The following IQCE variants were observed in gnomAD, a reference collection of about 807,000 sequenced individuals.
The protein encoded by IQCE is IQ domain-containing protein E.
Under a neutral mutation model 96.0 loss-of-function variants are expected in IQCE, and 115 were observed. The observed-to-expected ratio is 1.20, with a 90% CI of 1.03 to 1.40. The LOEUF (loss-of-function observed/expected upper bound fraction) is 1.40, where lower values mean the gene tolerates loss of function less well. Among genes scored for constraint, IQCE ranks in the 40% most tolerant of loss-of-function variants. IQCE has a pLI of 0.00. For synonymous variants in IQCE, 412 were observed against 371.2 expected (o/e 1.11, Z -1.26); for missense variants, 1,041 against 909.1 (o/e 1.15, Z -1.87).
At chr7:2,581,503 G>T (rs929772953) in intron 8 of IQCE, among the ~76,000 whole-genome samples, 1 of 152,208 alleles carries the variant, frequency 6.6e-6, no homozygotes, top group South Asian at 2.1e-4. Flanking sequence ...ACTGCACCCG[G>T]CCAACTAACA....
intron 18 of IQCE, among the ~76,000 whole-genome samples, chr7:2,602,911 G>A (rs970458802): frequency 7.9e-5 from 12 of 152,316 alleles, no homozygotes; most frequent in Middle Eastern, 6.8e-3. Flanking sequence ...ACAGCCACAC[G>A]AGCGCCCTCC....
intron 16 of IQCE, 64 bp downstream of exon 16, chr7:2,595,040 G>T: frequency 8.6e-7 from 1 of 1,159,902 alleles, no homozygotes; most frequent in Non-Finnish European, 1.3e-6. Flanking sequence ...TGACGGTTCT[G>T]ACCGTTTCCC....
chr7:2,565,124 ATG>A (rs1382788792), intron 1 of IQCE, among the ~76,000 whole-genome samples: 5 of 118,166 alleles, frequency 4.2e-5, no homozygotes, highest in African/African-American at 1.7e-4. Flanking sequence ...GCATGTGTGC[ATG>A]TGTGTGAGTG....
intron 16 of IQCE, among the ~76,000 whole-genome samples, chr7:2,596,118 C>G (rs1784017370): frequency 6.6e-6 from 1 of 152,136 alleles, no homozygotes; most frequent in African/African-American, 2.4e-5. Context: ...TGGATAAAAC[C>G]AGTAGAAGCC....
chr7:2,569,091 G>C, intron 3 of IQCE, 92 bp downstream of exon 3: 1 of 1,266,798 alleles, frequency 7.9e-7, no homozygotes, highest in Non-Finnish European at 1.1e-6. Context: ...CATTTAGGTA[G>C]CTGAGACCTG....
intron 11 of IQCE, 88 bp downstream of exon 11, chr7:2,584,373 C>A: frequency 1.6e-6 from 2 of 1,218,302 alleles, no homozygotes; most frequent in Non-Finnish European, 2.4e-6. Flanking sequence ...CACGTGGGTG[C>A]GGCATATACT....
chr7:2,594,854 G>A lies in IQCE; in HGVS notation c.1350-32G>A. 4 of 1,476,792 alleles carry A rather than the reference G, an allele frequency of 2.7e-6. No individual in the cohort carries two copies. The East Asian group carries it at 9.0e-5, about 33-fold the overall frequency. The allele number at this position is 1,476,792 out of a possible 1,614,324, so 91.5% of individuals were successfully genotyped here. A position where few individuals can be genotyped will look rare whatever the true frequency, so the allele number is the denominator to read the frequency against. On this transcript the variant is annotated intron_variant, in intron 15 of 21. Coordinates refer to ENST00000402050, the MANE Select transcript of IQCE (RefSeq NM_152558.5). The stretch of plus-strand genomic sequence containing the variant: ...CGGCCTTCATCACATAGTGACAGGT[G>A]AGGTGTCTCATCTTTTCCCTTTCCG...
Position 2,611,145 on chromosome 7 carries a change from G to GGGCTGGGCTGGGCTGGGCTGGGCTA in IQCE, c.*986_*987insTGGGCTGGGCTGGGCTGGGCTAGGC. The GGGCTGGGCTGGGCTGGGCTGGGCTA allele has an allele frequency of 8.4e-6, 1 of 119,362 alleles. No individual in the cohort carries two copies. Among genetic ancestry groups the GGGCTGGGCTGGGCTGGGCTGGGCTA allele is most frequent in the African/African-American group, 2.9e-5 (1 of 34,990 alleles). The allele number at this position is 119,362 out of a possible 1,614,324, so 7.4% of individuals were successfully genotyped here. ...GGGCTGGGCTGGGCTGGGCTGGGCC[G>GGGCTGGGCTGGGCTGGGCTGGGCTA]GGCGTGCGGAGCCTGTGGAGCCAGC... On this transcript the variant is annotated 3_prime_UTR_variant, in exon 22 of 22. Coordinates refer to ENST00000402050, the MANE Select transcript of IQCE (RefSeq NM_152558.5).
chr7:2,608,974 G>A (rs564614084), intron 21 of IQCE, among the ~76,000 whole-genome samples: 50 of 152,320 alleles, frequency 3.3e-4, no homozygotes, highest in African/African-American at 1.2e-3. Context: ...CGGCATGGCC[G>A]AATTGCCATT....
chr7:2,611,000 G>A lies in IQCE; in HGVS notation c.*838G>A, dbSNP rs1006238672. On this transcript the variant is annotated 3_prime_UTR_variant, in exon 22 of 22. Coordinates refer to ENST00000402050, the MANE Select transcript of IQCE (RefSeq NM_152558.5). ...AGGAGGAGAGGAGGGTGAGGAGGCA[G>A]GCTCGCCGTTCCAAGGGACAGCATA... is the stretch of plus-strand genomic sequence containing the variant. 6.5e-6 allele frequency: 1 copy of A among 152,784 alleles called. No individual in the cohort carries two copies. Among genetic ancestry groups the A allele is most frequent in the Non-Finnish European group, 1.5e-5 (1 of 68,496 alleles). 9.5% of individuals were successfully genotyped at this position (152,784 alleles called of 1,614,324 possible). A position where few individuals can be genotyped will look rare whatever the true frequency, so the allele number is the denominator to read the frequency against.
chr7:2,598,937 C>T (rs1001626588), intron 17 of IQCE, among the ~76,000 whole-genome samples: 1 of 152,224 alleles, frequency 6.6e-6, no homozygotes, highest in Non-Finnish European at 1.5e-5. Flanking sequence ...GTGTCTTCTC[C>T]TACCTGACCA....
intron 17 of IQCE, among the ~76,000 whole-genome samples, chr7:2,600,602 A>G (rs142930003): frequency 7.2e-5 from 11 of 152,348 alleles, no homozygotes; most frequent in African/African-American, 2.4e-4. Flanking sequence ...GGTGCTAAGC[A>G]GATGCTGGCT....
intron 16 of IQCE, among the ~76,000 whole-genome samples, chr7:2,595,864 T>C (rs1783996282): frequency 6.6e-6 from 1 of 150,848 alleles, no homozygotes; most frequent in Admixed American, 6.6e-5. Flanking sequence ...GTCACAGCCA[T>C]GCTCTGCTCA....
In IQCE at chr7:2,608,640, C is replaced by T. The variant is rs546971881; in HGVS notation, c.1970-1404C>T. Among the ~76,000 whole-genome samples, 8 of 152,296 alleles carry T rather than the reference C, an allele frequency of 5.3e-5. No individual in the cohort carries two copies. In the East Asian group the frequency reaches 9.6e-4, roughly 18 times the overall value. On this transcript the variant is annotated intron_variant, in intron 21 of 21. Transcript: ENST00000402050. ...AGGCTTTCAGTTGTTCTCCGGGAGC[C>T]GATTCTACCGGCTTCGCCAGACCCT...
chr7:2,585,827 G>C (rs578067515), intron 11 of IQCE, among the ~76,000 whole-genome samples: 20 of 152,330 alleles, frequency 1.3e-4, no homozygotes, highest in African/African-American at 4.8e-4. Context: ...GGGACCTGCA[G>C]ATAATGAGGA....
At chr7:2,582,193 G>C in intron 8 of IQCE, 1 of 401,220 alleles carries the variant, frequency 2.5e-6, no homozygotes, top group Admixed American at 3.6e-5. Context: ...GACTGAACTG[G>C]GCGGCCCTAG....
At chr7:2,579,041 CAAA>C (rs759979729) in intron 8 of IQCE, among the ~76,000 whole-genome samples, 5 of 113,676 alleles carry the variant, frequency 4.4e-5, no homozygotes, top group Non-Finnish European at 1.9e-5. Context: ...CCTGGGTGAC[CAAA>C]AAAAAAAAAA....
chr7:2,583,596 A>G, intron 9 of IQCE, 41 bp from the exon 10 acceptor site: 1 of 1,482,634 alleles, frequency 6.7e-7, no homozygotes, highest in Non-Finnish European at 9.3e-7. Context: ...TCCCCTGGGA[A>G]CGCTGGCACA....
At chr7:2,569,674 C>T (rs1000314634) in intron 3 of IQCE, among the ~76,000 whole-genome samples, 4 of 152,200 alleles carry the variant, frequency 2.6e-5, no homozygotes, top group Admixed American at 1.3e-4. Flanking sequence ...CCTAGGCCGG[C>T]ATCCTGTGCT....
Sources: allele counts gnomAD v4.1 joint callset (sites outside exome capture counted in the v4.1 genomes callset), GRCh38; gene constraint gnomAD v4.1.1; transcripts MANE v1.5; gene names NCBI Gene and HGNC (gene_info 2026-07-23, HGNC 2026-07-21).